Variants in NLGN1 observed in about 807,000 individuals in gnomAD.
The protein encoded by NLGN1 is neuroligin 1.
In NLGN1, 12 loss-of-function variants were observed where a neutral mutation model predicts 65.5. The observed-to-expected ratio is 0.18, with a 90% CI of 0.12 to 0.30. The LOEUF (loss-of-function observed/expected upper bound fraction) is 0.30. Ranked by LOEUF, NLGN1 falls within the 10% of genes least tolerant of loss-of-function variation. The pLI, the probability that NLGN1 is intolerant of heterozygous loss-of-function variation, is 1.00. For synonymous variants in NLGN1, 350 were observed against 359.5 expected (o/e 0.97, Z 0.30); for missense variants, 750 against 1,007.1 (o/e 0.74, Z 3.46).
rs1731166518 is a variant in NLGN1 at position 173,501,767 on chromosome 3, C to T, written c.-321+66689C>T. Among the ~76,000 whole-genome samples, 3 of 151,598 alleles carry T rather than the reference C, an allele frequency of 2.0e-5. No individual in the cohort carries two copies. In the South Asian group the frequency reaches 6.3e-4, roughly 32 times the overall value. ...TTATGTTCAGTGTATGTAAAAACATCTCATAGTGTAAAGAATAGATATAGA... is the reference window on the plus strand; with the variant it reads ...TTATGTTCAGTGTATGTAAAAACATTTCATAGTGTAAAGAATAGATATAGA... On this transcript the variant is annotated intron_variant, in intron 2 of 6. Transcript: ENST00000457714.
intron 3 of NLGN1, among the ~76,000 whole-genome samples, chr3:173,632,557 G>C (rs543301478): frequency 2.0e-5 from 3 of 152,202 alleles, no homozygotes; most frequent in African/African-American, 4.8e-5. Flanking sequence ...AAATGGCCTT[G>C]GTTCATTTTT....
intron 4 of NLGN1, among the ~76,000 whole-genome samples, chr3:173,871,789 G>C (rs1208509700): frequency 6.6e-6 from 1 of 152,140 alleles, no homozygotes; most frequent in African/African-American, 2.4e-5. Flanking sequence ...GAGGCCATGG[G>C]AACAGGCCTG....
At chr3:173,690,236 TA>T (rs1206844335) in intron 3 of NLGN1, among the ~76,000 whole-genome samples, 1 of 152,212 alleles carries the variant, frequency 6.6e-6, no homozygotes, top group Non-Finnish European at 1.5e-5. Context: ...AAACATTTTT[TA>T]AAAGTCTCTA....
At chr3:174,210,965 T>G (rs1205363170) in intron 4 of NLGN1, among the ~76,000 whole-genome samples, 2 of 152,206 alleles carry the variant, frequency 1.3e-5, no homozygotes, top group East Asian at 3.9e-4. Flanking sequence ...ACTTCAAGAA[T>G]GAAGCCGCGG....
At chr3:173,789,923 C>G in intron 3 of NLGN1, 1 of 501,824 alleles carries the variant, frequency 2.0e-6, no homozygotes, top group Non-Finnish European at 4.0e-6. Context: ...GACAAGGCAC[C>G]TGTGAGCTTC....
intron 4 of NLGN1, among the ~76,000 whole-genome samples, chr3:174,092,866 T>G (rs1351522247): frequency 6.6e-6 from 1 of 152,166 alleles, no homozygotes; most frequent in East Asian, 1.9e-4. Context: ...TAACTTCAAA[T>G]CTGTTCTCTG....
At chr3:173,713,938 G>C (rs1769409136) in intron 3 of NLGN1, among the ~76,000 whole-genome samples, 1 of 151,984 alleles carries the variant, frequency 6.6e-6, no homozygotes, top group African/African-American at 2.4e-5. Flanking sequence ...GCTTTTTATG[G>C]CTGGTTACAT....
At chr3:173,771,997 T>G (rs1779661312) in intron 3 of NLGN1, among the ~76,000 whole-genome samples, 1 of 152,048 alleles carries the variant, frequency 6.6e-6, no homozygotes. Flanking sequence ...TTTTTTAAAA[T>G]TATATAATTC....
At chr3:173,978,690 A>C (rs2152388357) in intron 4 of NLGN1, among the ~76,000 whole-genome samples, 1 of 151,844 alleles carries the variant, frequency 6.6e-6, no homozygotes, top group South Asian at 2.1e-4. Flanking sequence ...TTTGTCAAAT[A>C]TTCCTGAGAA....
intron 3 of NLGN1, among the ~76,000 whole-genome samples, chr3:173,651,951 C>G (rs927358210): frequency 6.6e-6 from 1 of 152,064 alleles, no homozygotes; most frequent in African/African-American, 2.4e-5. Context: ...CACCACCATG[C>G]CCAGCTAATT....
At chr3:173,758,880 A>G (rs922870780) in intron 3 of NLGN1, among the ~76,000 whole-genome samples, 2 of 152,010 alleles carry the variant, frequency 1.3e-5, no homozygotes, top group South Asian at 4.1e-4. Context: ...CAGTGTGGCT[A>G]AAGGATTGCT....
At chr3:173,659,636 A>G (rs1196217781) in intron 3 of NLGN1, among the ~76,000 whole-genome samples, 1 of 151,880 alleles carries the variant, frequency 6.6e-6, no homozygotes, top group Non-Finnish European at 1.5e-5. Context: ...ATATATATGT[A>G]TATTAAAAAA....
chr3:173,675,634 G>T (rs9827076), intron 3 of NLGN1, among the ~76,000 whole-genome samples: 8,470 of 152,088 alleles, frequency 0.056, 584 homozygotes, highest in African/African-American at 0.15. Flanking sequence ...ATCGATGCCA[G>T]GAAACCATGT....
chr3:173,784,591 A>G (rs1161724991), intron 3 of NLGN1, among the ~76,000 whole-genome samples: 1 of 152,134 alleles, frequency 6.6e-6, no homozygotes, highest in Non-Finnish European at 1.5e-5. Context: ...AGAGAGAAAG[A>G]CAGAGAAATA....
Position 173,833,774 on chromosome 3 carries a change from T to G in NLGN1, c.646+25942T>G, listed in dbSNP as rs544954748. 5.6e-4 allele frequency among the ~76,000 whole-genome samples: 86 copies of G among 152,318 alleles called. 2 individuals carry two copies. In the South Asian group the frequency reaches 0.018, roughly 32 times the overall value. On this transcript the variant is annotated intron_variant, in intron 4 of 6. Coordinates refer to ENST00000457714, the Ensembl canonical transcript of NLGN1. Reference sequence around the variant, plus strand: ...CCTCAGCCTCCCAAAGTGCTGAGATTACAGGCATGAGCCACCGCACCTGGC... The same window carrying G: ...CCTCAGCCTCCCAAAGTGCTGAGATGACAGGCATGAGCCACCGCACCTGGC...
At chr3:173,698,009 G>A (rs1766492220) in intron 3 of NLGN1, among the ~76,000 whole-genome samples, 3 of 144,300 alleles carry the variant, frequency 2.1e-5, no homozygotes, top group South Asian at 4.5e-4. Flanking sequence ...TGGCCTAAAC[G>A]CATAAGGACA....
intron 4 of NLGN1, among the ~76,000 whole-genome samples, chr3:174,039,557 C>G (rs941584193): frequency 9.9e-5 from 15 of 152,102 alleles, no homozygotes; most frequent in African/African-American, 3.1e-4. Context: ...TTCATTGGCT[C>G]TCCATGATTT....
chr3:173,670,237 G>C (rs1419643594), intron 3 of NLGN1, among the ~76,000 whole-genome samples: 4 of 152,154 alleles, frequency 2.6e-5, no homozygotes, highest in Non-Finnish European at 5.9e-5. Context: ...ATGAAGAAAG[G>C]ATAGAGCATT....
intron 4 of NLGN1, among the ~76,000 whole-genome samples, chr3:174,036,218 C>T (rs1731100399): frequency 1.3e-5 from 2 of 152,178 alleles, no homozygotes; most frequent in Middle Eastern, 3.2e-3. Context: ...ACAGTCCTCA[C>T]ACTTCCTGGC....
Sources: allele counts gnomAD v4.1 joint callset (sites outside exome capture counted in the v4.1 genomes callset), GRCh38; gene constraint gnomAD v4.1.1; transcripts MANE v1.5; gene names NCBI Gene and HGNC (gene_info 2026-07-23, HGNC 2026-07-21).